The following HECW2 variants were observed in gnomAD, a reference collection of about 807,000 sequenced individuals.
HECW2 encodes the protein E3 ubiquitin-protein ligase HECW2.
Under a neutral mutation model 175.2 loss-of-function variants are expected in HECW2, and 61 were observed. The ratio of observed to expected loss-of-function variants is 0.35; its 90% CI spans 0.28 to 0.43. The LOEUF is 0.43. Among genes scored for constraint, HECW2 ranks in the 20% least tolerant of loss-of-function variants. The probability of loss-of-function intolerance (pLI) is 1.00; values close to 1 mark genes in which losing one functional copy is unlikely to be tolerated. For missense variants in HECW2, 1,524 were observed against 2,000.5 expected, an observed-to-expected ratio of 0.76 and a Z score of 4.54; for synonymous variants, 671 against 731.0, an observed-to-expected ratio of 0.92 and a Z score of 1.32.
chr2:196,285,960 C>A (rs1280664846), intron 14 of HECW2, among the ~76,000 whole-genome samples: 1 of 152,154 alleles, frequency 6.6e-6, no homozygotes, highest in Non-Finnish European at 1.5e-5. Flanking sequence ...TGTGGACAAG[C>A]ACAATATAAG....
At chr2:196,488,621 A>G (rs1687089603) in intron 1 of HECW2, among the ~76,000 whole-genome samples, 1 of 150,726 alleles carries the variant, frequency 6.6e-6, no homozygotes. Flanking sequence ...TTTATCATGA[A>G]GAATGAATAC....
At chr2:196,283,398 T>C (rs1422676394) in intron 14 of HECW2, among the ~76,000 whole-genome samples, 1 of 147,812 alleles carries the variant, frequency 6.8e-6, no homozygotes, top group Non-Finnish European at 1.5e-5. Flanking sequence ...TTTTTTGAGA[T>C]GGAGTCTTGC....
At chr2:196,234,295 A>T (rs1164728458) in intron 21 of HECW2, among the ~76,000 whole-genome samples, 10 of 146,942 alleles carry the variant, frequency 6.8e-5, no homozygotes, top group African/African-American at 1.5e-4. Flanking sequence ...TTTTTTTTTT[A>T]AAGAGACAGG....
intron 4 of HECW2, among the ~76,000 whole-genome samples, chr2:196,330,791 C>T (rs182882545): frequency 2.7e-3 from 406 of 152,282 alleles, no homozygotes; most frequent in Non-Finnish European, 4.0e-3. Context: ...CCACTCCAAC[C>T]CTGCTTCTTG....
At chr2:196,540,859 TA>T (rs1689187309) in intron 1 of HECW2, among the ~76,000 whole-genome samples, 1 of 152,174 alleles carries the variant, frequency 6.6e-6, no homozygotes, top group Non-Finnish European at 1.5e-5. Context: ...AGGATAATCA[TA>T]CAAAGAAATG....
chr2:196,460,901 AG>A (rs893046665), intron 1 of HECW2, among the ~76,000 whole-genome samples: 180 of 150,942 alleles, frequency 1.2e-3, no homozygotes, highest in African/African-American at 4.2e-3. Context: ...CTAGGATTAC[AG>A]GTGTGAGCCA....
chr2:196,354,183 A>G (rs1453179197), intron 2 of HECW2, among the ~76,000 whole-genome samples: 1 of 152,182 alleles, frequency 6.6e-6, no homozygotes, highest in East Asian at 1.9e-4. Flanking sequence ...CTGTTAATAC[A>G]CCACCATCAG....
chr2:196,391,304 G>A (rs1218644312), intron 2 of HECW2, among the ~76,000 whole-genome samples: 1 of 152,106 alleles, frequency 6.6e-6, no homozygotes, highest in Non-Finnish European at 1.5e-5. Context: ...TACTGGCTGT[G>A]TTGTAATGTA....
At chr2:196,478,552 A>G (rs762494945) in intron 1 of HECW2, among the ~76,000 whole-genome samples, 36 of 152,044 alleles carry the variant, frequency 2.4e-4, no homozygotes, top group Non-Finnish European at 4.7e-4. Context: ...GGGAATAATT[A>G]TTATTATCAC....
chr2:196,516,772 T>C (rs1236811552), intron 1 of HECW2, among the ~76,000 whole-genome samples: 1 of 152,218 alleles, frequency 6.6e-6, no homozygotes, highest in African/African-American at 2.4e-5. Flanking sequence ...TTAAATTACA[T>C]TGAATCAGAC....
At chr2:196,255,271 C>T (rs755519801) in intron 18 of HECW2, among the ~76,000 whole-genome samples, 4 of 148,640 alleles carry the variant, frequency 2.7e-5, no homozygotes, top group South Asian at 4.3e-4. Flanking sequence ...GGATTACAGG[C>T]GTGAGCCACT....
chr2:196,501,256 AG>A (rs1392521211), intron 1 of HECW2, among the ~76,000 whole-genome samples: 1 of 152,190 alleles, frequency 6.6e-6, no homozygotes, highest in Admixed American at 6.5e-5. Context: ...GACAGTTGGA[AG>A]GGATGCCACA....
chr2:196,517,835 T>A (rs1688205615), intron 1 of HECW2, among the ~76,000 whole-genome samples: 3 of 152,106 alleles, frequency 2.0e-5, no homozygotes, highest in African/African-American at 7.2e-5. Flanking sequence ...TCCCCAGAGT[T>A]TCAGGATACA....
intron 1 of HECW2, among the ~76,000 whole-genome samples, chr2:196,576,875 GA>G (rs1263922962): frequency 6.6e-6 from 1 of 151,934 alleles, no homozygotes. Flanking sequence ...AGGTTTATTA[GA>G]AAAAAAGGAA....
chr2:196,289,708 T>C (rs1356845510), intron 14 of HECW2: 1 of 152,180 alleles, frequency 6.6e-6, no homozygotes, highest in Non-Finnish European at 1.5e-5. Context: ...TCCTGTCTCT[T>C]AAAATAAATA....
chr2:196,458,299 G>A (rs1463148697), intron 1 of HECW2, among the ~76,000 whole-genome samples: 1 of 151,850 alleles, frequency 6.6e-6, no homozygotes. Flanking sequence ...TAAAATATTG[G>A]GAACTATCTC....
chr2:196,561,038 C>T (rs1038894619), intron 1 of HECW2, among the ~76,000 whole-genome samples: 4 of 152,158 alleles, frequency 2.6e-5, no homozygotes, highest in Non-Finnish European at 5.9e-5. Flanking sequence ...AGGGAGATAA[C>T]CATTAGGTCT....
chr2:196,334,930 C>G (rs547242785), intron 3 of HECW2, among the ~76,000 whole-genome samples: 1 of 152,146 alleles, frequency 6.6e-6, no homozygotes, highest in Non-Finnish European at 1.5e-5. Context: ...TGCTGCAGGT[C>G]AGACAGATAA....
At chr2:196,247,822 A>G (rs1012600357) in intron 19 of HECW2, among the ~76,000 whole-genome samples, 1 of 152,108 alleles carries the variant, frequency 6.6e-6, no homozygotes, top group Non-Finnish European at 1.5e-5. Flanking sequence ...GACTGTTCTG[A>G]TGACTAGCAC....
Sources: allele counts gnomAD v4.1 joint callset (sites outside exome capture counted in the v4.1 genomes callset), GRCh38; gene constraint gnomAD v4.1.1; transcripts MANE v1.5; gene names NCBI Gene and HGNC (gene_info 2026-07-23, HGNC 2026-07-21).